Variants in CYP2E1 observed in about 807,000 individuals in gnomAD.
CYP2E1 encodes the protein cytochrome P450 family 2 subfamily E member 1, also known as cytochrome P450 2E1.
Under a neutral mutation model 42.9 loss-of-function variants are expected in CYP2E1, and 31 were observed. The ratio of observed to expected loss-of-function variants is 0.72; its 90% CI spans 0.54 to 0.98. CYP2E1 has a LOEUF of 0.98. CYP2E1 is among the 50% of genes least tolerant of loss of function. The pLI, the probability that CYP2E1 is intolerant of heterozygous loss-of-function variation, is 0.00. For synonymous variants in CYP2E1, 244 were observed against 248.9 expected, an observed-to-expected ratio of 0.98 and a Z score of 0.19; for missense variants, 565 against 633.2, an observed-to-expected ratio of 0.89 and a Z score of 1.16.
At chr10:133,533,922 C>G (rs765141664) in intron 6 of CYP2E1, 25 bp downstream of exon 6, 3 of 1,612,916 alleles carry the variant, frequency 1.9e-6, no homozygotes, top group African/African-American at 1.3e-5. Flanking sequence ...GAAGGGACAC[C>G]GTGCGTGCGG....
chr10:133,532,799 G>C lies in CYP2E1; in HGVS notation c.756G>C (p.Glu252Asp), dbSNP rs978002991. The C allele has an allele frequency of 6.2e-7, 1 of 1,613,332 alleles. No homozygotes were observed. Among genetic ancestry groups the C allele is most frequent in the African/African-American group, 1.3e-5 (1 of 74,872 alleles). ...VKEYVSERVK[E>D]HHQSLDPNCP... ...AGTATGTGTCTGAAAGGGTGAAGGA[G>C]CACCATCAATCTCTGGACCCCAACT... The change falls in exon 5 of 9, where the codon GAG (glutamate) becomes GAC (aspartate). Residue 252 changes from glutamate to aspartate, a missense_variant. Physicochemically the swap from Glu to Asp is conservative, Grantham distance 45. Coordinates refer to ENST00000252945, the MANE Select transcript of CYP2E1 (RefSeq NM_000773.4).
intron 6 of CYP2E1, 76 bp from the exon 7 acceptor site, chr10:133,536,987 G>A (rs1851413419): frequency 7.8e-7 from 1 of 1,283,034 alleles, no homozygotes; most frequent in African/African-American, 1.8e-5. Context: ...TGATTGAATA[G>A]ATGGGTGGAT....
Position 133,539,055 on chromosome 10 carries a change from A to G in CYP2E1, c.*91A>G. 3 of 940,472 alleles carry G rather than the reference A, an allele frequency of 3.2e-6. No homozygotes were observed. The highest frequency in any genetic ancestry group is 3.1e-6 in the Non-Finnish European group (2 of 648,908). 58.3% of individuals were successfully genotyped at this position (940,472 alleles called of 1,614,324 possible). ...TTCTCAAACTGATTCCTTTCTTTGC[A>G]TATGAGTATTTGAAAATAAATATTT... On this transcript the variant is annotated 3_prime_UTR_variant, in exon 9 of 9. Transcript: ENST00000252945.
intron 6 of CYP2E1, among the ~76,000 whole-genome samples, chr10:133,536,291 G>A (rs1851394510): frequency 6.6e-6 from 1 of 151,986 alleles, no homozygotes; most frequent in Non-Finnish European, 1.5e-5. Context: ...TAAGTTTTTG[G>A]AGCATTTTCC....
At chr10:133,536,694 TGGGAG>T (rs1851406002) in intron 6 of CYP2E1, among the ~76,000 whole-genome samples, 1 of 118,376 alleles carries the variant, frequency 8.4e-6, no homozygotes, top group Admixed American at 9.2e-5. Context: ...GATGGATGGA[TGGGAG>T]GGTGGATAAA....
intron 2 of CYP2E1, among the ~76,000 whole-genome samples, chr10:133,529,604 T>C (rs1268025253): frequency 1.3e-5 from 2 of 152,256 alleles, no homozygotes; most frequent in African/African-American, 4.8e-5. Flanking sequence ...TTTCTGAACA[T>C]TGTGAACGTC....
intron 1 of CYP2E1, 100 bp downstream of exon 1, chr10:133,527,672 C>A: frequency 1.0e-6 from 1 of 969,758 alleles, no homozygotes; most frequent in Admixed American, 2.0e-5. Context: ...TTGTTCAATA[C>A]CAGCCTGTTG....
chr10:133,527,760 G>A (rs953784430), intron 1 of CYP2E1, among the ~76,000 whole-genome samples, 188 bp downstream of exon 1: 1 of 152,194 alleles, frequency 6.6e-6, no homozygotes, highest in African/African-American at 2.4e-5. Context: ...CCCGGAGCCT[G>A]CGTGCCAGGC....
intron 4 of CYP2E1, 89 bp from the exon 5 acceptor site, chr10:133,532,603 A>G (rs548574418): frequency 8.3e-7 from 1 of 1,197,782 alleles, no homozygotes; most frequent in East Asian, 2.4e-5. Flanking sequence ...TACAGCCACA[A>G]ATTCAGGTTT....
In CYP2E1 at chr10:133,527,416, C is replaced by G; in HGVS notation, c.21C>G (p.Thr7=). 6.2e-7 allele frequency: 1 copy of G among 1,611,802 alleles called. No individual in the cohort carries two copies. The highest frequency in any genetic ancestry group is 1.7e-5 in the Admixed American group (1 of 59,980). Residue 7 remains threonine (T), a synonymous_variant, in exon 1 of 9, where the codon ACC becomes ACG. Coordinates refer to ENST00000252945, the MANE Select transcript of CYP2E1 (RefSeq NM_000773.4). The part of the protein sequence containing the change: MSALGV[T]VALLVWAAFL... ...GCACCATGTCTGCCCTCGGAGTCAC[C>G]GTGGCCCTGCTGGTGTGGGCGGCCT... is the stretch of plus-strand genomic sequence containing the variant.
chr10:133,537,509 A>G (rs1385950131), intron 7 of CYP2E1: 8 of 597,716 alleles, frequency 1.3e-5, no homozygotes, highest in Non-Finnish European at 1.8e-5. Context: ...TTCTAATGCC[A>G]GGAACAAACT....
chr10:133,532,103 C>T (rs1244214383), intron 3 of CYP2E1, 21 bp from the exon 4 acceptor site: 1 of 1,607,924 alleles, frequency 6.2e-7, no homozygotes, highest in Non-Finnish European at 8.5e-7. Flanking sequence ...CTTCTGGTTG[C>T]CCTGACTGCC....
chr10:133,538,415 C>G (rs1851432061), intron 8 of CYP2E1, among the ~76,000 whole-genome samples: 1 of 152,092 alleles, frequency 6.6e-6, no homozygotes, highest in Non-Finnish European at 1.5e-5. Flanking sequence ...CTTTTCACAC[C>G]CAGTGCTGGA....
intron 6 of CYP2E1, among the ~76,000 whole-genome samples, chr10:133,536,326 C>T (rs1468789690): frequency 6.6e-6 from 1 of 151,954 alleles, no homozygotes; most frequent in East Asian, 1.9e-4. Context: ...CCTGGGGAAC[C>T]TTAAGCACTG....
intron 2 of CYP2E1, among the ~76,000 whole-genome samples, chr10:133,531,192 C>A (rs574616250): frequency 6.6e-6 from 1 of 152,238 alleles, no homozygotes; most frequent in Non-Finnish European, 1.5e-5. Flanking sequence ...AATGGCTTTT[C>A]AAGAATGTTG....
chr10:133,531,648 G>A lies in CYP2E1; in HGVS notation c.401G>A (p.Arg134Gln), dbSNP rs765056111. The A allele has an allele frequency of 1.3e-5, 21 of 1,613,784 alleles. No individual in the cohort carries two copies. Among genetic ancestry groups the A allele is most frequent in the Non-Finnish European group, 1.4e-5 (17 of 1,179,926 alleles). Residue 134 changes from arginine (R) to glutamine (Q), a missense_variant, in exon 3 of 9, where the codon CGG (arginine) becomes CAG (glutamine). By Grantham distance (43) the Arg-to-Gln change is conservative. Transcript: ENST00000252945. ...CGGCGGTTTTCCCTGACCACCCTCC[G>A]GAACTATGGGATGGGGAAACAGGGC... ...DIRRFSLTTLRNYGMGKQGNE... is the reference protein window; with the variant it reads ...DIRRFSLTTLQNYGMGKQGNE...
At chr10:133,533,604 G>A in intron 5 of CYP2E1, 152 bp from the exon 6 acceptor site, 1 of 874,698 alleles carries the variant, frequency 1.1e-6, no homozygotes, top group Non-Finnish European at 1.7e-6. Flanking sequence ...AGGTGGAGAT[G>A]ACTCTGTCTG....
intron 7 of CYP2E1, 75 bp downstream of exon 7, chr10:133,537,325 A>C: frequency 6.6e-7 from 1 of 1,525,714 alleles, no homozygotes; most frequent in South Asian, 1.2e-5. Context: ...AGGGAGCAGG[A>C]TGGGGGCCCC....
In CYP2E1 at chr10:133,537,075, A is replaced by T. The variant is rs1851414683; in HGVS notation, c.980A>T (p.Glu327Val). Residue 327 changes from glutamate to valine, a missense_variant, in exon 7 of 9, where the codon GAA becomes GTA. Transcript: ENST00000252945. Reference protein sequence around the residue: ...KYPEIEEKLHEEIDRVIGPSR... With the variant: ...KYPEIEEKLHVEIDRVIGPSR... ...CATATCTTGGCAGAGAAGCTCCATG[A>T]AGAAATTGACAGGGTGATTGGGCCA... The T allele has an allele frequency of 6.2e-7, 1 of 1,613,534 alleles. No individual in the cohort carries two copies. The highest frequency in any genetic ancestry group is 1.3e-5 in the African/African-American group (1 of 75,014).
Sources: allele counts gnomAD v4.1 joint callset (sites outside exome capture counted in the v4.1 genomes callset), GRCh38; gene constraint gnomAD v4.1.1; transcripts MANE v1.5; gene names NCBI Gene and HGNC (gene_info 2026-07-23, HGNC 2026-07-21).